Variants in SMARCA4 observed in about 807,000 individuals in gnomAD.
SMARCA4 encodes SWI/SNF related BAF chromatin remodeling complex subunit ATPase 4.
Under a neutral mutation model 193.9 loss-of-function variants are expected in SMARCA4, and 31 were observed. That is an observed-to-expected ratio of 0.16 (90% CI 0.12 to 0.22). The LOEUF is 0.22. Ranked by LOEUF, SMARCA4 falls within the 10% of genes least tolerant of loss-of-function variation. The pLI is 1.00. For synonymous variants in SMARCA4, 942 were observed against 933.1 expected (o/e 1.01, Z -0.17); for missense variants, 1,148 against 2,296.0 (o/e 0.50, Z 10.22).
chr19:11,019,958 G>C lies in SMARCA4; in HGVS notation c.2616+257G>C, dbSNP rs565101122. On this transcript the variant is annotated intron_variant, in intron 18 of 34. Coordinates refer to ENST00000344626, the MANE Select transcript of SMARCA4 (RefSeq NM_003072.5). This position sits in a 1 kb window ranked among gnomAD's most constrained non-coding sequence, Gnocchi z 6.1. ...CACAGCATGCGCTCTGCCTCCTCTCGGGCCTTCTGCCCAGAGAGCCTCAGC... is the reference window on the plus strand; with the variant it reads ...CACAGCATGCGCTCTGCCTCCTCTCCGGCCTTCTGCCCAGAGAGCCTCAGC... 2.0e-5 allele frequency among the ~76,000 whole-genome samples: 3 copies of C among 152,286 alleles called. No individual in the cohort carries two copies. The highest frequency in any genetic ancestry group is 4.8e-5 in the African/African-American group (2 of 41,562).
chr19:10,964,882 A>C (rs554633577), intron 1 of SMARCA4, among the ~76,000 whole-genome samples: 3 of 152,104 alleles, frequency 2.0e-5, no homozygotes, highest in African/African-American at 7.2e-5. Flanking sequence ...CGGCCTCCCA[A>C]AGTGTTGGGA....
intron 18 of SMARCA4, among the ~76,000 whole-genome samples, chr19:11,020,319 T>C (rs1188399216): frequency 3.3e-5 from 5 of 152,116 alleles, no homozygotes; most frequent in Non-Finnish European, 5.9e-5. Flanking sequence ...CAAAAACTCA[T>C]GTTCCTCATT....
At chr19:10,998,595 T>C (rs1403685524) in intron 11 of SMARCA4, among the ~76,000 whole-genome samples, 1 of 152,130 alleles carries the variant, frequency 6.6e-6, no homozygotes, top group Non-Finnish European at 1.5e-5. Context: ...TTGATTTGTT[T>C]GTTTTTCTAT....
intron 29 of SMARCA4, among the ~76,000 whole-genome samples, chr19:11,037,135 G>GATTTCTCTTTAATATC (rs1568518738): frequency 2.4e-4 from 37 of 152,326 alleles, no homozygotes; most frequent in African/African-American, 8.4e-4. Context: ...TCTTTAATAT[G>GATTTCTCTTTAATATC]TGATTTCTCT....
chr19:11,025,021 C>T (rs1360349202), intron 21 of SMARCA4, among the ~76,000 whole-genome samples: 1 of 150,316 alleles, frequency 6.7e-6, no homozygotes, highest in African/African-American at 2.5e-5. Context: ...ATCCTGGAGC[C>T]CAGGGAGCCC....
At chr19:10,995,347 T>C (rs1291615978) in intron 9 of SMARCA4, 2 of 494,522 alleles carry the variant, frequency 4.0e-6, no homozygotes, top group Non-Finnish European at 7.9e-6. Context: ...TATTTGTGAC[T>C]GAGTCGCTGG....
rs146747026 is a variant in SMARCA4 at position 11,041,438 on chromosome 19, C to T, written c.4302C>T (p.Asp1434=). 2.2e-4 allele frequency: 351 copies of T among 1,612,468 alleles called. No homozygotes were observed. The highest frequency in any genetic ancestry group is 2.7e-4 in the Non-Finnish European group (323 of 1,179,958). The change falls in exon 30 of 35, where the codon GAC becomes GAT. Residue 1434 remains aspartate, a synonymous_variant. Coordinates refer to ENST00000344626, the MANE Select transcript of SMARCA4 (RefSeq NM_003072.5). This position sits in a 1 kb window ranked among gnomAD's most constrained non-coding sequence, Gnocchi z 5.6. ...PTTSTRSRDK[D]DESKKQKKRG... ...CCAGCACCCGCAGCCGCGACAAGGA[C>T]GACGAGAGCAAGAAGCAGAAGAAGC...
chr19:11,029,190 G>A (rs895440020), intron 24 of SMARCA4, among the ~76,000 whole-genome samples: 1 of 152,128 alleles, frequency 6.6e-6, no homozygotes, highest in Non-Finnish European at 1.5e-5. Context: ...CCTCATGGCC[G>A]GGCCACCCCC....
intron 1 of SMARCA4, among the ~76,000 whole-genome samples, chr19:10,969,973 C>T (rs1025592372): frequency 2.6e-5 from 4 of 152,192 alleles, no homozygotes; most frequent in Non-Finnish European, 4.4e-5. Context: ...CACCTGTGGC[C>T]GCACCCACTT....
intron 16 of SMARCA4, among the ~76,000 whole-genome samples, chr19:11,017,248 C>G (rs1483879289): frequency 6.6e-6 from 1 of 152,206 alleles, no homozygotes; most frequent in African/African-American, 2.4e-5. Context: ...GAGCCGGTAC[C>G]TCCGGGAAGC....
chr19:11,039,235 T>C (rs749449491), intron 29 of SMARCA4, among the ~76,000 whole-genome samples: 1 of 152,068 alleles, frequency 6.6e-6, no homozygotes, highest in Non-Finnish European at 1.5e-5. Context: ...GCACCTGTCA[T>C]CCCAGCTACT....
At chr19:10,971,916 G>A (rs2084707357) in intron 1 of SMARCA4, among the ~76,000 whole-genome samples, 1 of 150,884 alleles carries the variant, frequency 6.6e-6, no homozygotes, top group South Asian at 2.1e-4. Context: ...AGCCTCCTGA[G>A]TAGCTGGGAT....
chr19:11,040,929 T>C (rs893810190), intron 29 of SMARCA4: 42 of 181,890 alleles, frequency 2.3e-4, no homozygotes, highest in Non-Finnish European at 3.7e-4. Context: ...TAAAAATAAA[T>C]AAGTAAATAA....
chr19:11,046,948 CAAA>C (rs35450843), intron 30 of SMARCA4, among the ~76,000 whole-genome samples: 45 of 91,804 alleles, frequency 4.9e-4, no homozygotes, highest in Non-Finnish European at 7.5e-4. Flanking sequence ...GACCCTGTTG[CAAA>C]AAAAAAAAAA....
At chr19:11,002,736 T>A (rs1039757023) in intron 11 of SMARCA4, among the ~76,000 whole-genome samples, 1 of 137,102 alleles carries the variant, frequency 7.3e-6, no homozygotes, top group East Asian at 2.1e-4. Context: ...GAGGTTGTAG[T>A]GAGCCGAGAG....
chr19:11,014,292 A>G lies in SMARCA4; in HGVS notation c.2438+1180A>G, dbSNP rs78006932. On this transcript the variant is annotated intron_variant, in intron 16 of 34. Coordinates refer to ENST00000344626, the MANE Select transcript of SMARCA4 (RefSeq NM_003072.5). Reference sequence around the variant, plus strand: ...GCCAGGCCCCATGGGTCACACACCCATAGGGTAGGCCTGACGTCCTGACTG... The same window carrying G: ...GCCAGGCCCCATGGGTCACACACCCGTAGGGTAGGCCTGACGTCCTGACTG... 6.0e-3 allele frequency among the ~76,000 whole-genome samples: 916 copies of G among 152,316 alleles called. 7 individuals carry two copies. Among genetic ancestry groups the G allele is most frequent in the African/African-American group, 0.021 (862 of 41,584 alleles).
intron 1 of SMARCA4, among the ~76,000 whole-genome samples, chr19:10,964,304 T>A (rs372130447): frequency 2.0e-5 from 3 of 151,726 alleles, no homozygotes; most frequent in Non-Finnish European, 2.9e-5. Flanking sequence ...GGTGGAACTT[T>A]CTTTCTTTCT....
At chr19:11,004,920 A>G (rs558211555) in intron 13 of SMARCA4, among the ~76,000 whole-genome samples, 366 of 151,812 alleles carry the variant, frequency 2.4e-3, no homozygotes, top group African/African-American at 8.0e-3. Flanking sequence ...GCTCACTGCA[A>G]TCTCTGCCTC....
At chr19:11,037,171 G>T (rs2075315191) in intron 29 of SMARCA4, among the ~76,000 whole-genome samples, 1 of 152,092 alleles carries the variant, frequency 6.6e-6, no homozygotes, top group Non-Finnish European at 1.5e-5. Context: ...TCTTTAATAT[G>T]TGCCTAGGCG....
Sources: gnomAD v4.1 joint callset for allele counts (sites outside exome capture counted in the v4.1 genomes callset) on GRCh38, gnomAD v4.1.1 for gene constraint, Gnocchi (gnomAD v3.1) non-coding constraint, MANE v1.5 for transcripts, NCBI Gene and HGNC (gene_info 2026-07-23, HGNC 2026-07-21) for gene names.